PEX5L: variants seen among roughly 807,000 people sequenced by gnomAD.
PEX5L encodes PEX5-related protein.
Under a neutral mutation model 84.0 loss-of-function variants are expected in PEX5L, and 30 were observed. The ratio of observed to expected loss-of-function variants is 0.36; its 90% CI spans 0.27 to 0.48. PEX5L has a LOEUF of 0.48. Ranked by LOEUF, PEX5L falls within the 20% of genes least tolerant of loss-of-function variation. The pLI is 0.99. For missense variants in PEX5L, 533 were observed against 754.6 expected, an observed-to-expected ratio of 0.71 and a Z score of 3.44; for synonymous variants, 270 against 283.1, an observed-to-expected ratio of 0.95 and a Z score of 0.46.
At chr3:179,804,837 C>T (rs887026602) in intron 14 of PEX5L, among the ~76,000 whole-genome samples, 1 of 152,060 alleles carries the variant, frequency 6.6e-6, no homozygotes, top group African/African-American at 2.4e-5. Flanking sequence ...GTCTCTCTCT[C>T]GCCGGGTGTA....
intron 1 of PEX5L, among the ~76,000 whole-genome samples, chr3:179,987,083 A>C (rs1249631916): frequency 6.6e-6 from 1 of 152,158 alleles, no homozygotes; most frequent in Admixed American, 6.5e-5. Flanking sequence ...TCTGTGCCTA[A>C]GTTTCCTCAT....
rs113975278 is a variant in PEX5L at position 179,959,886 on chromosome 3, T to C, written c.93+11708A>G. Among the ~76,000 whole-genome samples, 31 of 152,344 alleles carry C rather than the reference T, an allele frequency of 2.0e-4. 1 individual carries two copies. Among genetic ancestry groups the C allele is most frequent in the Admixed American group, 7.2e-4 (11 of 15,306 alleles). On this transcript the variant is annotated intron_variant, in intron 2 of 14. Coordinates refer to ENST00000467460, the MANE Select transcript of PEX5L (RefSeq NM_016559.3). Reference sequence around the variant, plus strand: ...TTTTTAGAACTATAGCAGGTATTACTGTACTCAGTGTAACTATGTGTTTTC... The same window carrying C: ...TTTTTAGAACTATAGCAGGTATTACCGTACTCAGTGTAACTATGTGTTTTC...
At chr3:179,885,295 G>A (rs1755462310) in intron 4 of PEX5L, among the ~76,000 whole-genome samples, 1 of 152,134 alleles carries the variant, frequency 6.6e-6, no homozygotes, top group Non-Finnish European at 1.5e-5. Context: ...AATTAAACAT[G>A]AGGTCATATT....
chr3:180,034,766 A>G (rs1164249761), intron 1 of PEX5L, among the ~76,000 whole-genome samples: 3 of 152,144 alleles, frequency 2.0e-5, no homozygotes, highest in African/African-American at 7.2e-5. Flanking sequence ...TTGGCAGCAA[A>G]GATTTGTGAG....
rs1560723990 is a variant in PEX5L, at chr3:179,922,449, TTC to T, written c.94-24205_94-24204del. Among the ~76,000 whole-genome samples, 14 of 148,482 alleles carry T rather than the reference TTC, an allele frequency of 9.4e-5. 1 individual carries two copies. The highest frequency in any genetic ancestry group is 1.2e-4 in the Non-Finnish European group (8 of 66,398). ...TAGAATTTCACTGCTTCCTTTTCTT[TTC>T]TTTTTTTTTTTTTTTTTGAAGGAGT... On this transcript the variant is annotated intron_variant, in intron 2 of 14. Transcript: ENST00000467460.
At position 179,971,626 on chromosome 3, in the gene PEX5L, C is replaced by T; in HGVS notation, c.61G>A (p.Glu21Lys). ...TGATCAACAATTATTTCGAGGTCTT[C>T]ATCACTGCTTAGTTTTCCATATCCT... Reference protein sequence around the residue: ...EQGYGKLSSDEDLEIIVDQKQ... With the variant: ...EQGYGKLSSDKDLEIIVDQKQ... The change falls in exon 2 of 15, where the codon GAA becomes AAA. Residue 21 changes from glutamate to lysine, a missense_variant. Around this residue, in one of 8 missense-constraint regions of PEX5L, gnomAD observed 259 missense variants for 301.7 expected, o/e 0.86. Coordinates refer to ENST00000467460, the MANE Select transcript of PEX5L (RefSeq NM_016559.3). 8 of 1,608,790 alleles carry T rather than the reference C, an allele frequency of 5.0e-6. No individual in the cohort carries two copies. The highest frequency in any genetic ancestry group is 6.8e-6 in the Non-Finnish European group (8 of 1,177,746).
At chr3:179,940,753 G>C (rs910343679) in intron 2 of PEX5L, among the ~76,000 whole-genome samples, 5 of 152,184 alleles carry the variant, frequency 3.3e-5, no homozygotes, top group Admixed American at 3.3e-4. Context: ...GCCTAATTTA[G>C]AGAAATGTCT....
intron 2 of PEX5L, among the ~76,000 whole-genome samples, chr3:179,961,706 T>G (rs1782086785): frequency 6.6e-6 from 1 of 152,222 alleles, no homozygotes; most frequent in Admixed American, 6.5e-5. Context: ...AAAATTGAAT[T>G]TATAACATAA....
chr3:180,001,878 T>C (rs1285071062), intron 1 of PEX5L, among the ~76,000 whole-genome samples: 1 of 152,208 alleles, frequency 6.6e-6, no homozygotes, highest in Admixed American at 6.5e-5. Context: ...TTATTTTATC[T>C]ATATTATCCA....
chr3:179,843,900 C>T (rs1738231648), intron 8 of PEX5L, among the ~76,000 whole-genome samples: 1 of 152,162 alleles, frequency 6.6e-6, no homozygotes, highest in Non-Finnish European at 1.5e-5. Context: ...TGCATGTAGC[C>T]TGATAATTAA....
intron 14 of PEX5L, chr3:179,804,385 C>T (rs1282289503): frequency 6.6e-6 from 1 of 151,970 alleles, no homozygotes; most frequent in East Asian, 1.9e-4. Flanking sequence ...TTATAGCTTT[C>T]CCTCATTATA....
intron 3 of PEX5L, among the ~76,000 whole-genome samples, chr3:179,890,590 G>A (rs928752517): frequency 6.6e-6 from 1 of 152,176 alleles, no homozygotes; most frequent in East Asian, 1.9e-4. Context: ...AAATATCAAC[G>A]TTATGTAGGT....
intron 1 of PEX5L, among the ~76,000 whole-genome samples, chr3:179,998,745 T>A (rs920177930): frequency 6.6e-6 from 1 of 152,164 alleles, no homozygotes; most frequent in African/African-American, 2.4e-5. Context: ...ATATACATGA[T>A]CAGGCTGGAA....
chr3:179,839,423 A>G (rs1205951919), intron 8 of PEX5L, among the ~76,000 whole-genome samples: 2 of 152,232 alleles, frequency 1.3e-5, no homozygotes, highest in East Asian at 3.8e-4. Context: ...TACAGATGTA[A>G]CTGCTGGATT....
rs1172084310 is a variant in PEX5L at position 179,905,889 on chromosome 3, CA to C, written c.94-7644del. On this transcript the variant is annotated intron_variant, in intron 2 of 14. Transcript: ENST00000467460. ...TGTTTGGTATAGTCCTCTATGGGCA[CA>C]TAAACGCTCAAGTGCACTCAATAAA... 2.0e-5 allele frequency among the ~76,000 whole-genome samples: 3 copies of C among 152,322 alleles called. No individual in the cohort carries two copies. The East Asian group carries it at 5.8e-4, about 29-fold the overall frequency.
chr3:179,864,361 A>G (rs1038485847), intron 7 of PEX5L, among the ~76,000 whole-genome samples: 1 of 152,124 alleles, frequency 6.6e-6, no homozygotes, highest in Non-Finnish European at 1.5e-5. Flanking sequence ...CTTATACAAG[A>G]AAGAAAAACT....
chr3:179,934,763 A>G (rs1774125714), intron 2 of PEX5L, among the ~76,000 whole-genome samples: 1 of 152,210 alleles, frequency 6.6e-6, no homozygotes, highest in Non-Finnish European at 1.5e-5. Context: ...AAAGGGCTCA[A>G]TACTAATACT....
intron 5 of PEX5L, 49 bp from the exon 6 acceptor site, chr3:179,875,526 T>A: frequency 6.6e-7 from 1 of 1,523,510 alleles, no homozygotes. Context: ...CAGGGCGGGG[T>A]AGGGGGAGCG....
chr3:179,810,492 C>A (rs533719244), intron 11 of PEX5L, among the ~76,000 whole-genome samples: 1 of 152,244 alleles, frequency 6.6e-6, no homozygotes, highest in South Asian at 2.1e-4. Context: ...ATTCCACTGG[C>A]CTCTAGCAAG....
Sources: gnomAD v4.1 joint callset for allele counts (sites outside exome capture counted in the v4.1 genomes callset) on GRCh38, gnomAD v4.1.1 for gene constraint, gnomAD v4.1.1 regional missense constraint, MANE v1.5 for transcripts, NCBI Gene and HGNC (gene_info 2026-07-23, HGNC 2026-07-21) for gene names.